KSR2: variants seen among roughly 807,000 people sequenced by gnomAD.
KSR2 encodes the protein kinase suppressor of ras 2.
A neutral mutation model predicts 107.8 loss-of-function variants in KSR2; 25 were observed. The observed-to-expected ratio is 0.23, with a 90% CI of 0.17 to 0.32. The LOEUF is 0.32. KSR2 is among the 10% of genes least tolerant of loss of function. The pLI is 1.00. For synonymous variants in KSR2, 480 were observed against 507.0 expected (o/e 0.95, Z 0.71); for missense variants, 887 against 1,268.9 (o/e 0.70, Z 4.57).
rs148332838 is a variant in KSR2 at position 117,879,664 on chromosome 12, C to T, written c.181-19233G>A. ...CCCAGGAGGTGGAGGCTGCAGTGAG[C>T]CATGATTGTGCCACTGCACTCCAGC... On this transcript the variant is annotated intron_variant, in intron 1 of 19. Coordinates refer to ENST00000339824, the MANE Select transcript of KSR2 (RefSeq NM_173598.6). Among the ~76,000 whole-genome samples the T allele has an allele frequency of 3.2e-3, 487 of 152,316 alleles. 10 individuals are homozygous for T. The East Asian group carries it at 0.042, about 13-fold the overall frequency.
At chr12:117,587,173 G>A (rs966771067) in intron 5 of KSR2, among the ~76,000 whole-genome samples, 3 of 152,128 alleles carry the variant, frequency 2.0e-5, no homozygotes, top group African/African-American at 7.2e-5. Flanking sequence ...AGATGCCCAC[G>A]TCCTGATCCC....
At chr12:117,718,491 C>A (rs879131505) in intron 4 of KSR2, among the ~76,000 whole-genome samples, 1 of 152,174 alleles carries the variant, frequency 6.6e-6, no homozygotes, top group Admixed American at 6.5e-5. Flanking sequence ...TGTGGGAATG[C>A]CACCCAGGAA....
chr12:117,761,019 G>C lies in KSR2; in HGVS notation c.978C>G (p.His326Gln), dbSNP rs1440840729. 6.2e-7 allele frequency: 1 copy of C among 1,613,512 alleles called. No homozygotes were observed. The highest frequency in any genetic ancestry group is 8.5e-7 in the Non-Finnish European group (1 of 1,179,716). Residue 326 changes from histidine (H) to glutamine (Q), a missense_variant, in exon 4 of 20, where the codon CAC becomes CAG. This residue lies in a region of KSR2 where 399 missense variants were observed against 479.5 expected (regional missense o/e 0.83). Transcript: ENST00000339824. The part of the protein sequence containing the change: ...FQLGHRVDEA[H>Q]TPKAKKKSKP... ...CCACCGATCGCACTCACTTGGGCGT[G>C]TGGGCCTCGTCCACGCGGTGCCCCA...
chr12:117,762,165 A>G (rs1230581712), intron 3 of KSR2, among the ~76,000 whole-genome samples: 2 of 152,226 alleles, frequency 1.3e-5, no homozygotes, highest in Non-Finnish European at 2.9e-5. Flanking sequence ...CACTTTTTGA[A>G]CTTCCCAAGG....
At chr12:117,948,244 T>G (rs1896257509) in intron 1 of KSR2, among the ~76,000 whole-genome samples, 1 of 151,746 alleles carries the variant, frequency 6.6e-6, no homozygotes, top group Non-Finnish European at 1.5e-5. Context: ...AGGTCAGGAG[T>G]TCGAGACCAG....
intron 17 of KSR2, among the ~76,000 whole-genome samples, chr12:117,472,681 G>A (rs182380795): frequency 3.9e-5 from 6 of 152,288 alleles, no homozygotes; most frequent in Admixed American, 1.3e-4. Context: ...GGAAGGGGTG[G>A]TGATGCTCAG....
intron 4 of KSR2, among the ~76,000 whole-genome samples, chr12:117,728,039 G>C (rs761479831): frequency 3.3e-5 from 5 of 152,164 alleles, no homozygotes; most frequent in Non-Finnish European, 7.3e-5. Context: ...GCAGAACAAG[G>C]GTTGCCTTCA....
At chr12:117,840,977 G>C (rs928490058) in intron 3 of KSR2, among the ~76,000 whole-genome samples, 3 of 150,108 alleles carry the variant, frequency 2.0e-5, no homozygotes, top group African/African-American at 7.3e-5. Flanking sequence ...AATCTAGCCG[G>C]GGCGACAGAG....
At chr12:117,807,641 A>C (rs1891055046) in intron 3 of KSR2, among the ~76,000 whole-genome samples, 1 of 152,194 alleles carries the variant, frequency 6.6e-6, no homozygotes, top group Admixed American at 6.5e-5. Flanking sequence ...CTGACCTATA[A>C]ATGCATCATA....
At chr12:117,923,465 C>T (rs1566083497) in intron 1 of KSR2, among the ~76,000 whole-genome samples, 1 of 152,036 alleles carries the variant, frequency 6.6e-6, no homozygotes. Flanking sequence ...AGTGGGAGGA[C>T]TGCTTGAGGC....
chr12:117,584,079 G>A (rs1479746718), intron 5 of KSR2, among the ~76,000 whole-genome samples: 1 of 152,138 alleles, frequency 6.6e-6, no homozygotes, highest in African/African-American at 2.4e-5. Context: ...GTAAAGCTGG[G>A]ATCCTTTATG....
chr12:117,957,521 C>G (rs1220407093), intron 1 of KSR2, among the ~76,000 whole-genome samples: 1 of 152,126 alleles, frequency 6.6e-6, no homozygotes, highest in Non-Finnish European at 1.5e-5. Flanking sequence ...GAGCAGCACA[C>G]GGTGGGCAAG....
At chr12:117,908,464 A>C (rs1894919364) in intron 1 of KSR2, among the ~76,000 whole-genome samples, 1 of 152,222 alleles carries the variant, frequency 6.6e-6, no homozygotes. Context: ...AGCACAATTC[A>C]TGAAAGCTGC....
intron 4 of KSR2, among the ~76,000 whole-genome samples, chr12:117,710,309 C>G (rs759674917): frequency 7.9e-5 from 12 of 152,130 alleles, no homozygotes; most frequent in Admixed American, 5.2e-4. Context: ...TTATCCGCCT[C>G]TCATCTTTTA....
chr12:117,861,014 C>A (rs998269765), intron 1 of KSR2, among the ~76,000 whole-genome samples: 2 of 152,162 alleles, frequency 1.3e-5, no homozygotes, highest in Admixed American at 6.5e-5. Flanking sequence ...CCACTGCGCC[C>A]GGCCTGCACA....
At chr12:117,756,264 C>T (rs975169522) in intron 4 of KSR2, among the ~76,000 whole-genome samples, 1 of 152,202 alleles carries the variant, frequency 6.6e-6, no homozygotes, top group African/African-American at 2.4e-5. Context: ...GCTAGAGAGA[C>T]GAAGTCAGTG....
At chr12:117,504,906 C>T (rs1256904106) in intron 14 of KSR2, among the ~76,000 whole-genome samples, 1 of 152,160 alleles carries the variant, frequency 6.6e-6, no homozygotes, top group African/African-American at 2.4e-5. Context: ...CCCACACTCC[C>T]TTCTCCCATT....
intron 1 of KSR2, among the ~76,000 whole-genome samples, chr12:117,949,307 G>A (rs372444700): frequency 1.4e-5 from 2 of 147,044 alleles, no homozygotes; most frequent in African/African-American, 2.5e-5. Context: ...CTGTTAAGAG[G>A]AAAAAAAAAA....
In KSR2 at chr12:117,905,228, C is replaced by A. The variant is rs143957512; in HGVS notation, c.181-44797G>T. Among the ~76,000 whole-genome samples, 958 of 152,168 alleles carry A rather than the reference C, an allele frequency of 6.3e-3. 9 individuals carry two copies. The highest frequency in any genetic ancestry group is 0.021 in the African/African-American group (889 of 41,506). ...AACAAAACAAAATATAATGTGTATT[C>A]TTCCCGTAGGAGATAGCTTATGATA... On this transcript the variant is annotated intron_variant, in intron 1 of 19. Transcript: ENST00000339824.
Sources: gnomAD v4.1 joint callset for allele counts (sites outside exome capture counted in the v4.1 genomes callset) on GRCh38, gnomAD v4.1.1 for gene constraint, gnomAD v4.1.1 regional missense constraint, MANE v1.5 for transcripts, NCBI Gene and HGNC (gene_info 2026-07-23, HGNC 2026-07-21) for gene names.